The following PDE12 variants were observed in gnomAD, a reference collection of about 807,000 sequenced individuals.
The protein encoded by PDE12 is phosphodiesterase 12, also known as 2',5'-phosphodiesterase 12.
Under a neutral mutation model 45.4 loss-of-function variants are expected in PDE12, and 26 were observed. The observed-to-expected ratio is 0.57, with a 90% confidence interval of 0.42 to 0.79. The LOEUF is 0.79. Among genes scored for constraint, PDE12 ranks in the 30% least tolerant of loss-of-function variants. PDE12 has a pLI of 0.00. For synonymous variants in PDE12, 283 were observed against 323.9 expected (o/e 0.87, Z 1.36); for missense variants, 668 against 790.0 (o/e 0.85, Z 1.85).
the PDE12 span, chr3:57,596,908 C>T: frequency 1.5e-6 from 1 of 671,776 alleles, no homozygotes; most frequent in South Asian, 1.9e-5. Flanking sequence ...GGGGGGATCG[C>T]TCACCCTCCG....
the PDE12 span, among the ~76,000 whole-genome samples, chr3:57,588,922 G>C: frequency 6.6e-6 from 1 of 152,130 alleles, no homozygotes; most frequent in Non-Finnish European, 1.5e-5. Context: ...GACCAACATG[G>C]AGAAAGCCCG....
the PDE12 span, chr3:57,634,601 G>T: frequency 1.4e-6 from 2 of 1,465,124 alleles, no homozygotes; most frequent in South Asian, 1.4e-5. Context: ...ATTTAAATAT[G>T]GCTTATATGA....
At position 57,562,870 on chromosome 3, in the gene PDE12, C is replaced by T. The variant is rs2069741300; in HGVS notation, c.*2866C>T. 1 of 152,074 alleles carries T rather than the reference C, an allele frequency of 6.6e-6. No homozygotes were observed. The highest frequency in any genetic ancestry group is 1.5e-5 in the Non-Finnish European group (1 of 68,020). 9.4% of individuals were successfully genotyped at this position (152,074 alleles called of 1,614,324 possible). On this transcript the variant is annotated 3_prime_UTR_variant, in exon 3 of 3. Coordinates refer to ENST00000311180, the MANE Select transcript of PDE12 (RefSeq NM_177966.7). The stretch of plus-strand genomic sequence containing the variant: ...AGTTGTTTCAAAATTTCAAGAATTC[C>T]ACTGAGTAGTGATTTTTCTGAGTAC...
the PDE12 span, among the ~76,000 whole-genome samples, chr3:57,574,838 C>A: frequency 6.6e-6 from 1 of 151,786 alleles, no homozygotes; most frequent in Non-Finnish European, 1.5e-5. Context: ...AGCAACAAAG[C>A]GAGACCCCCC....
chr3:57,578,403 A>G, the PDE12 span, among the ~76,000 whole-genome samples: 20 of 150,440 alleles, frequency 1.3e-4, no homozygotes, highest in East Asian at 3.9e-3. Flanking sequence ...AAAAAAAAAG[A>G]AAGAAAAATT....
At chr3:57,597,149 T>A in the PDE12 span, 6 of 1,609,134 alleles carry the variant, frequency 3.7e-6, no homozygotes, top group Non-Finnish European at 5.1e-6. Flanking sequence ...ATGGCGGTAG[T>A]GGCACTTGTG....
At chr3:57,645,703 T>C in the PDE12 span, 2 of 1,613,424 alleles carry the variant, frequency 1.2e-6, no homozygotes, top group South Asian at 1.1e-5. Flanking sequence ...TTCACTATCA[T>C]GAATAGTGAA....
the PDE12 span, among the ~76,000 whole-genome samples, chr3:57,635,827 T>C: frequency 1.3e-5 from 2 of 152,184 alleles, no homozygotes; most frequent in Non-Finnish European, 2.9e-5. Flanking sequence ...TATTCACTTA[T>C]ACATGATTTT....
the PDE12 span, among the ~76,000 whole-genome samples, chr3:57,594,471 GTCAA>G: frequency 6.6e-6 from 1 of 152,136 alleles, no homozygotes; most frequent in Non-Finnish European, 1.5e-5. Flanking sequence ...CATAATTTCT[GTCAA>G]TCAATAGTTC....
the PDE12 span, among the ~76,000 whole-genome samples, chr3:57,590,089 C>CA: frequency 7.4e-6 from 1 of 135,206 alleles, no homozygotes; most frequent in East Asian, 2.2e-4. Context: ...GACTCTGTCT[C>CA]AATAAATAAA....
At chr3:57,630,795 T>A in the PDE12 span, 6 of 1,614,068 alleles carry the variant, frequency 3.7e-6, no homozygotes, top group Non-Finnish European at 2.5e-6. Context: ...TAAATTCTTC[T>A]GGAAGAAACT....
the PDE12 span, chr3:57,634,486 G>T: frequency 1.2e-6 from 1 of 814,932 alleles, no homozygotes; most frequent in Non-Finnish European, 1.8e-6. Flanking sequence ...ATACATAAAG[G>T]ACATATTGCG....
chr3:57,635,063 T>C, the PDE12 span, among the ~76,000 whole-genome samples: 1 of 152,222 alleles, frequency 6.6e-6, no homozygotes, highest in Non-Finnish European at 1.5e-5. Flanking sequence ...ACTCAACCTG[T>C]AATTTAAAAT....
At chr3:57,630,948 G>A in the PDE12 span, 1 of 1,613,404 alleles carries the variant, frequency 6.2e-7, no homozygotes, top group Non-Finnish European at 8.5e-7. Flanking sequence ...ATACTTTTCT[G>A]CAAAGGCATC....
Position 57,557,699 on chromosome 3 carries a change from C to T in PDE12, c.1308+12C>T. On this transcript the variant is annotated intron_variant, in intron 1 of 2. Coordinates refer to ENST00000311180, the MANE Select transcript of PDE12 (RefSeq NM_177966.7). ...CTTCTGTTCTTCAGGTAAAGTAGTTCCGCCCGTCTCTTCACATACTGTCCC... is the reference window on the plus strand; with the variant it reads ...CTTCTGTTCTTCAGGTAAAGTAGTTTCGCCCGTCTCTTCACATACTGTCCC... The T allele has an allele frequency of 1.2e-6, 2 of 1,608,150 alleles. No homozygotes were observed. Among genetic ancestry groups the T allele is most frequent in the Admixed American group, 1.7e-5 (1 of 59,804 alleles).
downstream of PDE12, chr3:57,571,558 CAAT>C (rs1400759279): frequency 6.6e-6 from 1 of 152,502 alleles, no homozygotes; most frequent in East Asian, 1.9e-4. Flanking sequence ...AAAAAAGACA[CAAT>C]ATAAAGGAAG....
the PDE12 span, among the ~76,000 whole-genome samples, chr3:57,650,935 CCACCA>C: frequency 6.6e-6 from 1 of 152,218 alleles, no homozygotes; most frequent in South Asian, 2.1e-4. Context: ...CAGGCATGTG[CCACCA>C]CACCCGGCTA....
chr3:57,612,643 C>T, the PDE12 span, among the ~76,000 whole-genome samples: 4 of 151,700 alleles, frequency 2.6e-5, no homozygotes, highest in Non-Finnish European at 4.4e-5. Flanking sequence ...TGGTGGTGCA[C>T]GCCTGTAGTC....
chr3:57,582,899 AAG>A, the PDE12 span, among the ~76,000 whole-genome samples: 1 of 152,212 alleles, frequency 6.6e-6, no homozygotes, highest in Non-Finnish European at 1.5e-5. Flanking sequence ...CCTCATATGT[AAG>A]AGAGTTAGAT....
Sources: gnomAD v4.1 joint callset for allele counts (sites outside exome capture counted in the v4.1 genomes callset) on GRCh38, gnomAD v4.1.1 for gene constraint, MANE v1.5 for transcripts, NCBI Gene and HGNC (gene_info 2026-07-23, HGNC 2026-07-21) for gene names.